Variants in TUBGCP5 observed in about 807,000 individuals in gnomAD.
TUBGCP5 encodes tubulin gamma complex component 5.
TUBGCP5 carries 98 observed loss-of-function variants against 134.7 expected under a neutral mutation model. That is an observed-to-expected ratio of 0.73 (90% CI 0.62 to 0.86). The LOEUF is 0.86. TUBGCP5 is among the 40% of genes least tolerant of loss of function. TUBGCP5 has a pLI of 0.00. For missense variants in TUBGCP5, 1,150 were observed against 1,244.8 expected, an observed-to-expected ratio of 0.92 and a Z score of 1.15; for synonymous variants, 456 against 431.4, an observed-to-expected ratio of 1.06 and a Z score of -0.71.
At chr15:22,997,687 G>A (rs535463911), downstream of TUBGCP5, among the ~76,000 whole-genome samples, 51 of 151,598 alleles carry the variant, frequency 3.4e-4, 2 homozygotes, top group South Asian at 9.8e-3. Context: ...CATGATCTCA[G>A]CTCACTGCAA....
At chr15:23,004,051 C>A (rs772841215) in intron 20 of TUBGCP5, 51 bp downstream of exon 20, 1 of 1,549,148 alleles carries the variant, frequency 6.5e-7, no homozygotes, top group South Asian at 1.2e-5. Context: ...AGCACGCAGA[C>A]AGCGCCACTC....
At chr15:23,001,968 A>C (rs2064413348) in intron 21 of TUBGCP5, among the ~76,000 whole-genome samples, 1 of 152,170 alleles carries the variant, frequency 6.6e-6, no homozygotes, top group African/African-American at 2.4e-5. Flanking sequence ...TTCGGCTTTA[A>C]GTCTCAATCA....
At chr15:23,039,326 C>T (rs1366028329) in intron 1 of TUBGCP5, 72 bp downstream of exon 1, 4 of 1,246,552 alleles carry the variant, frequency 3.2e-6, no homozygotes, top group Middle Eastern at 2.9e-4. Context: ...CGCCCCGACC[C>T]CGGGCTGTGC....
At chr15:23,017,125 T>A (rs563956076) in intron 13 of TUBGCP5, among the ~76,000 whole-genome samples, 2 of 151,840 alleles carry the variant, frequency 1.3e-5, no homozygotes, top group East Asian at 3.9e-4. Flanking sequence ...CTAAAAAATG[T>A]TGATCTCGTA....
At chr15:23,031,229 G>C (rs989093817) in intron 5 of TUBGCP5, among the ~76,000 whole-genome samples, 3 of 151,694 alleles carry the variant, frequency 2.0e-5, no homozygotes, top group African/African-American at 2.4e-5. Flanking sequence ...CTATAATGTT[G>C]AAATAATAAG....
In TUBGCP5 at chr15:22,999,663, C is replaced by T. The variant is rs759383631; in HGVS notation, c.*157G>A. On this transcript the variant is annotated 3_prime_UTR_variant, in exon 23 of 23. Coordinates refer to ENST00000615383, the MANE Select transcript of TUBGCP5 (RefSeq NM_052903.6). ...TGATCTGCCTGTCTTGGCCTCCCAT[C>T]GTGCTGGGATTAGAGGCATGAGCGA... 9.3e-6 allele frequency: 7 copies of T among 752,894 alleles called. No homozygotes were observed. The highest frequency in any genetic ancestry group is 1.7e-5 in the South Asian group (1 of 57,204). 46.6% of individuals were successfully genotyped at this position (752,894 alleles called of 1,614,324 possible).
intron 3 of TUBGCP5, among the ~76,000 whole-genome samples, chr15:23,034,731 C>T (rs1000721619): frequency 7.9e-5 from 12 of 151,880 alleles, no homozygotes; most frequent in Non-Finnish European, 1.0e-4. Flanking sequence ...GGGTGGTGTA[C>T]GCTTGTAATC....
At chr15:23,032,290 G>A (rs1457580732) in intron 4 of TUBGCP5, among the ~76,000 whole-genome samples, 1 of 152,134 alleles carries the variant, frequency 6.6e-6, no homozygotes, top group East Asian at 1.9e-4. Flanking sequence ...TATCTGAGGG[G>A]AATTGGTTCC....
At chr15:22,985,859 C>G (rs1055490635) in intron 23 of TUBGCP5, among the ~76,000 whole-genome samples, 1 of 146,908 alleles carries the variant, frequency 6.8e-6, no homozygotes, top group Non-Finnish European at 1.5e-5. Flanking sequence ...ATAGGCCGGG[C>G]ACGGTGGCTC....
intron 1 of TUBGCP5, among the ~76,000 whole-genome samples, chr15:23,039,188 G>A (rs934262215): frequency 2.0e-5 from 3 of 151,978 alleles, no homozygotes; most frequent in Non-Finnish European, 2.9e-5. Flanking sequence ...GACGCGTCCC[G>A]GGTAACACGC....
intron 14 of TUBGCP5, 52 bp downstream of exon 14, chr15:23,011,081 T>C (rs1227195297): frequency 1.1e-5 from 17 of 1,576,974 alleles, no homozygotes; most frequent in African/African-American, 2.7e-5. Flanking sequence ...TTAGCAAACA[T>C]TGCACAAATG....
chr15:23,036,916 G>A lies in TUBGCP5; in HGVS notation c.290C>T (p.Pro97Leu). The change falls in exon 3 of 23, where the codon CCC becomes CTC. Residue 97 changes from proline to leucine, a missense_variant. Physicochemically the swap from Pro to Leu is moderately conservative, Grantham distance 98. This residue lies in a region of TUBGCP5 where 453 missense variants were observed against 394.7 expected (regional missense o/e 1.15). Transcript: ENST00000615383. ...LTEEFLNAPL[P>L]SIKEIKTDAH... ...GCATACCTTTATTTCCTTTATACTG[G>A]GAAGTGGTGCATTTAGAAATTCCTC... is the stretch of plus-strand genomic sequence containing the variant. 1.2e-6 allele frequency: 2 copies of A among 1,609,298 alleles called. No individual in the cohort carries two copies. Among genetic ancestry groups the A allele is most frequent in the South Asian group, 2.2e-5 (2 of 90,640 alleles).
chr15:23,036,188 T>C (rs1477258442), intron 3 of TUBGCP5, among the ~76,000 whole-genome samples: 1 of 152,176 alleles, frequency 6.6e-6, no homozygotes, highest in Non-Finnish European at 1.5e-5. Flanking sequence ...GTCAGCCATG[T>C]GGGCTCTGCT....
chr15:23,023,882 ACT>A, intron 10 of TUBGCP5, 63 bp downstream of exon 10: 1 of 1,494,956 alleles, frequency 6.7e-7, no homozygotes, highest in East Asian at 2.3e-5. Context: ...TATAATAAAA[ACT>A]CTAAGTGGCA....
chr15:23,024,463 C>T, intron 9 of TUBGCP5: 1 of 446,056 alleles, frequency 2.2e-6, no homozygotes, highest in South Asian at 4.3e-5. Context: ...CAGTATATAA[C>T]TTTCACAATA....
At chr15:22,995,509 A>C (rs2064026132), downstream of TUBGCP5, among the ~76,000 whole-genome samples, 1 of 151,462 alleles carries the variant, frequency 6.6e-6, no homozygotes. Context: ...AGTCATCTGC[A>C]AACACACACC....
At chr15:23,004,062 G>A (rs570985807) in intron 20 of TUBGCP5, 40 bp downstream of exon 20, 7 of 1,566,834 alleles carry the variant, frequency 4.5e-6, no homozygotes, top group South Asian at 2.4e-5. Context: ...AGCGCCACTC[G>A]CCCAGCAGTG....
Position 23,026,174 on chromosome 15 carries a change from A to G in TUBGCP5, c.769T>C (p.Tyr257His), listed in dbSNP as rs1352197119. The G allele has an allele frequency of 1.2e-6, 2 of 1,612,696 alleles. No individual in the cohort carries two copies. The highest frequency in any genetic ancestry group is 1.7e-6 in the Non-Finnish European group (2 of 1,179,680). The change falls in exon 8 of 23, where the codon TAT becomes CAT. Residue 257 changes from tyrosine to histidine, a missense_variant. Transcript: ENST00000615383. ...ACCAAAACCCTGTCATCTGGAACATACAATGGATCACTGCTGTACAAGTGT... is the reference window on the plus strand; with the variant it reads ...ACCAAAACCCTGTCATCTGGAACATGCAATGGATCACTGCTGTACAAGTGT... ...DQHLYSSDPL[Y>H]VPDDRVLVTE...
intron 23 of TUBGCP5, among the ~76,000 whole-genome samples, chr15:22,990,651 T>G (rs2063818136): frequency 6.6e-6 from 1 of 152,156 alleles, no homozygotes; most frequent in Non-Finnish European, 1.5e-5. Flanking sequence ...TGTAATAAAT[T>G]TCTCCTGTTT....
Sources: allele counts gnomAD v4.1 joint callset (sites outside exome capture counted in the v4.1 genomes callset), GRCh38; gene constraint gnomAD v4.1.1; regional missense constraint gnomAD v4.1.1; transcripts MANE v1.5; gene names NCBI Gene and HGNC (gene_info 2026-07-23, HGNC 2026-07-21).